The following EGFR variants were observed in gnomAD, a reference collection of about 807,000 sequenced individuals.
The protein encoded by EGFR is epidermal growth factor receptor, also known as avian erythroblastic leukemia viral (v-erb-b) oncogene homolog.
In EGFR, 58 loss-of-function variants were observed where a neutral mutation model predicts 143.0. That is an observed-to-expected ratio of 0.41 (90% CI 0.33 to 0.50). EGFR has a LOEUF of 0.50. Among genes scored for constraint, EGFR ranks in the 20% least tolerant of loss-of-function variants. The pLI is 0.39. For synonymous variants in EGFR, 613 were observed against 594.4 expected (o/e 1.03, Z -0.45); for missense variants, 1,307 against 1,579.0 (o/e 0.83, Z 2.92).
chr7:55,131,663 C>T (rs926748642), intron 1 of EGFR, among the ~76,000 whole-genome samples: 2 of 152,210 alleles, frequency 1.3e-5, no homozygotes, highest in African/African-American at 4.8e-5. Flanking sequence ...CCCTCTGCCC[C>T]CCAGCAATTC....
intron 20 of EGFR, among the ~76,000 whole-genome samples, chr7:55,187,579 G>A (rs897336009): frequency 2.0e-5 from 3 of 152,186 alleles, no homozygotes; most frequent in Non-Finnish European, 2.9e-5. Flanking sequence ...TGCCTCTTCC[G>A]AGGTCTAGCA....
At chr7:55,092,885 A>T (rs1791215487) in intron 1 of EGFR, among the ~76,000 whole-genome samples, 1 of 152,246 alleles carries the variant, frequency 6.6e-6, no homozygotes, top group African/African-American at 2.4e-5. Context: ...CCCTTTCAAG[A>T]TTGGATTAGA....
chr7:55,199,669 G>C (rs901777739), intron 23 of EGFR, among the ~76,000 whole-genome samples: 1 of 152,230 alleles, frequency 6.6e-6, no homozygotes, highest in South Asian at 2.1e-4. Flanking sequence ...AGGATTTCCA[G>C]GCAGTAGCCA....
At chr7:55,105,500 C>G (rs1228899836) in intron 1 of EGFR, among the ~76,000 whole-genome samples, 1 of 152,204 alleles carries the variant, frequency 6.6e-6, no homozygotes, top group Non-Finnish European at 1.5e-5. Flanking sequence ...CAAAGAGAAC[C>G]AGGCTCTAGT....
intron 1 of EGFR, among the ~76,000 whole-genome samples, chr7:55,051,012 T>A (rs1788457843): frequency 6.6e-6 from 1 of 152,116 alleles, no homozygotes; most frequent in Non-Finnish European, 1.5e-5. Flanking sequence ...CTGAGCTCCT[T>A]CTGGAGGGTG....
At chr7:55,161,677 G>A (rs377469577) in intron 13 of EGFR, 46 bp downstream of exon 13, 1 of 1,613,998 alleles carries the variant, frequency 6.2e-7, no homozygotes, top group Admixed American at 1.7e-5. Context: ...CAAAAATAAG[G>A]CTCCAGGTTG....
intron 1 of EGFR, among the ~76,000 whole-genome samples, chr7:55,137,367 G>A (rs1369522239): frequency 6.6e-6 from 1 of 152,120 alleles, no homozygotes; most frequent in African/African-American, 2.4e-5. Flanking sequence ...GTGGATTTGG[G>A]CAAATCTGGA....
chr7:55,073,391 T>G (rs1789945510), intron 1 of EGFR, among the ~76,000 whole-genome samples: 1 of 152,196 alleles, frequency 6.6e-6, no homozygotes, highest in South Asian at 2.1e-4. Context: ...CAGAAGACTT[T>G]CAGGCAGTAT....
At chr7:55,201,107 A>G (rs924041827) in intron 24 of EGFR, 81 bp from the exon 25 acceptor site, 11 of 1,577,442 alleles carry the variant, frequency 7.0e-6, no homozygotes, top group Non-Finnish European at 8.7e-6. Context: ...ACCTGCTGGC[A>G]ATAGACCCCT....
intron 1 of EGFR, chr7:55,110,019 C>G (rs1488843837): frequency 3.4e-6 from 3 of 885,876 alleles, no homozygotes; most frequent in Admixed American, 1.2e-4. Flanking sequence ...CATAAACACA[C>G]AGTGTATGTT....
intron 15 of EGFR, among the ~76,000 whole-genome samples, chr7:55,167,413 A>ATGGTGG (rs1786101344): frequency 2.3e-5 from 1 of 43,136 alleles, no homozygotes; most frequent in Non-Finnish European, 4.3e-5. Flanking sequence ...GGTGGTGGTG[A>ATGGTGG]TGAGGGTGGT....
chr7:55,168,186 C>T (rs565888835), intron 15 of EGFR, among the ~76,000 whole-genome samples: 42 of 152,238 alleles, frequency 2.8e-4, no homozygotes, highest in Admixed American at 1.5e-3. Context: ...TAGTGTTTCA[C>T]GTAATCTATT....
chr7:55,105,791 T>C (rs1054303009), intron 1 of EGFR, among the ~76,000 whole-genome samples: 1 of 152,224 alleles, frequency 6.6e-6, no homozygotes, highest in Non-Finnish European at 1.5e-5. Context: ...TTGTTCCAAA[T>C]GCATTAACTA....
chr7:55,160,540 A>T (rs1785647300), intron 12 of EGFR, among the ~76,000 whole-genome samples: 1 of 152,242 alleles, frequency 6.6e-6, no homozygotes, highest in Non-Finnish European at 1.5e-5. Context: ...ATTCAATGGG[A>T]TGAATTTACC....
At chr7:55,065,775 G>T (rs1229145714) in intron 1 of EGFR, among the ~76,000 whole-genome samples, 2 of 151,068 alleles carry the variant, frequency 1.3e-5, no homozygotes, top group Non-Finnish European at 2.9e-5. Context: ...CTTTTGACAT[G>T]CATGGCAGAG....
At chr7:55,171,629 G>A (rs1311192663) in intron 16 of EGFR, among the ~76,000 whole-genome samples, 1 of 152,180 alleles carries the variant, frequency 6.6e-6, no homozygotes, top group Non-Finnish European at 1.5e-5. Flanking sequence ...CAGCATAGGG[G>A]AGTGTTTCTC....
intron 11 of EGFR, among the ~76,000 whole-genome samples, chr7:55,159,228 AC>A (rs1434002396): frequency 6.6e-6 from 1 of 151,004 alleles, no homozygotes; most frequent in Non-Finnish European, 1.5e-5. Context: ...TGGTTCTCAC[AC>A]CCATCGTGGT....
intron 1 of EGFR, among the ~76,000 whole-genome samples, chr7:55,075,454 A>C (rs868282420): frequency 1.3e-5 from 2 of 152,224 alleles, no homozygotes; most frequent in Non-Finnish European, 2.9e-5. Flanking sequence ...GAATGGACTT[A>C]GCAACCACTA....
intron 1 of EGFR, among the ~76,000 whole-genome samples, chr7:55,040,042 G>C (rs146915468): frequency 6.6e-6 from 1 of 152,086 alleles, no homozygotes; most frequent in African/African-American, 2.4e-5. Flanking sequence ...AGAATTCCCC[G>C]CATGTGTCCC....
Sources: allele counts gnomAD v4.1 joint callset (sites outside exome capture counted in the v4.1 genomes callset), GRCh38; gene constraint gnomAD v4.1.1; transcripts MANE v1.5; gene names NCBI Gene and HGNC (gene_info 2026-07-23, HGNC 2026-07-21).